The following SGMS1 variants were observed in gnomAD, a reference collection of about 807,000 sequenced individuals.
SGMS1 encodes the protein phosphatidylcholine:ceramide cholinephosphotransferase 1.
A neutral mutation model predicts 46.2 loss-of-function variants in SGMS1; 13 were observed. That is an observed-to-expected ratio of 0.28 (90% CI 0.18 to 0.45). The LOEUF is 0.45. Ranked by LOEUF, SGMS1 falls within the 20% of genes least tolerant of loss-of-function variation. The pLI, the probability that SGMS1 is intolerant of heterozygous loss-of-function variation, is 1.00. For missense variants in SGMS1, 324 were observed against 519.9 expected (o/e 0.62, Z 3.66); for synonymous variants, 203 against 187.8 (o/e 1.08, Z -0.66).
At chr10:50,445,905 A>G (rs1316500892) in intron 5 of SGMS1, among the ~76,000 whole-genome samples, 2 of 152,154 alleles carry the variant, frequency 1.3e-5, no homozygotes, top group Non-Finnish European at 2.9e-5. Flanking sequence ...AACACCCCTG[A>G]GAAAGAGAAT....
At chr10:50,555,031 G>A (rs1225413349) in intron 2 of SGMS1, among the ~76,000 whole-genome samples, 1 of 152,144 alleles carries the variant, frequency 6.6e-6, no homozygotes, top group Non-Finnish European at 1.5e-5. Flanking sequence ...AACCATATAG[G>A]AAAGAAGCCA....
At chr10:50,439,095 A>G (rs182512371) in intron 5 of SGMS1, among the ~76,000 whole-genome samples, 67 of 152,338 alleles carry the variant, frequency 4.4e-4, no homozygotes, top group African/African-American at 1.6e-3. Flanking sequence ...ATGTTCCAAG[A>G]GACATGTTGG....
intron 5 of SGMS1, among the ~76,000 whole-genome samples, chr10:50,442,846 T>C (rs769682403): frequency 2.6e-5 from 4 of 152,252 alleles, no homozygotes; most frequent in Admixed American, 2.0e-4. Flanking sequence ...TTTCTTTAAC[T>C]GTGCAGAAGC....
intron 2 of SGMS1, among the ~76,000 whole-genome samples, chr10:50,549,459 CAT>C (rs762216094): frequency 3.3e-5 from 5 of 152,148 alleles, no homozygotes; most frequent in Non-Finnish European, 5.9e-5. Context: ...TGAAACACCA[CAT>C]GTTCTCACTT....
Position 50,622,083 on chromosome 10 carries a change from G to GGCT in SGMS1, c.-684+1621_-684+1623dup, listed in dbSNP as rs748081009. Reference sequence around the variant, plus strand: ...GCTGGCGCCTCCGACAGCAGGCACAGGCTGCTGCTTGCTTGCTTGCTTGCT... The same window carrying GGCT: ...GCTGGCGCCTCCGACAGCAGGCACAGGCTGCTGCTGCTTGCTTGCTTGCTTGCT... On this transcript the variant is annotated intron_variant, in intron 1 of 10. Transcript: ENST00000361781. Among the ~76,000 whole-genome samples, 8 of 152,348 alleles carry GGCT rather than the reference G, an allele frequency of 5.3e-5. No homozygotes were observed. In the South Asian group the frequency reaches 1.0e-3, roughly 20 times the overall value.
chr10:50,327,043 G>A (rs1246551415), intron 8 of SGMS1, among the ~76,000 whole-genome samples, 162 bp downstream of exon 8: 1 of 152,176 alleles, frequency 6.6e-6, no homozygotes, highest in Non-Finnish European at 1.5e-5. Flanking sequence ...AGAGATTCTG[G>A]GAAGGGTGGG....
chr10:50,607,624 G>A (rs1838709742), intron 1 of SGMS1, among the ~76,000 whole-genome samples: 1 of 152,214 alleles, frequency 6.6e-6, no homozygotes, highest in African/African-American at 2.4e-5. Context: ...TCAACTGGTT[G>A]TGTGAAGCAG....
chr10:50,328,182 G>C (rs940315371), intron 7 of SGMS1: 1 of 275,022 alleles, frequency 3.6e-6, no homozygotes, highest in Non-Finnish European at 7.1e-6. Context: ...AAAATTCCAT[G>C]TAAGTTTGTT....
At chr10:50,325,443 G>A (rs544931482) in intron 8 of SGMS1, among the ~76,000 whole-genome samples, 1 of 152,264 alleles carries the variant, frequency 6.6e-6, no homozygotes, top group East Asian at 1.9e-4. Context: ...CATAGAATGA[G>A]GGCCCTAGTT....
At chr10:50,565,630 G>T (rs1838281340) in intron 2 of SGMS1, among the ~76,000 whole-genome samples, 1 of 152,148 alleles carries the variant, frequency 6.6e-6, no homozygotes, top group African/African-American at 2.4e-5. Context: ...GCCACAAGCT[G>T]CCAATTCCTA....
intron 6 of SGMS1, among the ~76,000 whole-genome samples, chr10:50,431,593 C>T (rs1350425006): frequency 6.6e-6 from 1 of 152,066 alleles, no homozygotes; most frequent in African/African-American, 2.4e-5. Context: ...TCCTCCATTT[C>T]ACTCCCTAAG....
upstream of SGMS1, chr10:50,624,027 G>A (rs1025851592): frequency 6.1e-6 from 6 of 985,500 alleles, no homozygotes; most frequent in Non-Finnish European, 7.2e-6. Flanking sequence ...TCCTCCGGGT[G>A]TTCACTGCGG....
intron 3 of SGMS1, among the ~76,000 whole-genome samples, chr10:50,500,547 T>C (rs1837653629): frequency 6.6e-6 from 1 of 151,996 alleles, no homozygotes; most frequent in Admixed American, 6.5e-5. Flanking sequence ...CGCATTTTTC[T>C]AAGCACTTAC....
chr10:50,553,504 G>GA (rs1295770107), intron 2 of SGMS1, among the ~76,000 whole-genome samples: 3 of 44,830 alleles, frequency 6.7e-5, no homozygotes, highest in Non-Finnish European at 1.3e-4. Context: ...TGATTTTTAA[G>GA]ACAAAAAAAT....
At chr10:50,426,833 T>C (rs1849332222) in intron 6 of SGMS1, among the ~76,000 whole-genome samples, 2 of 152,162 alleles carry the variant, frequency 1.3e-5, no homozygotes, top group Non-Finnish European at 2.9e-5. Context: ...TGAAATTAAG[T>C]TGGATTGCCT....
Position 50,307,876 on chromosome 10 carries a change from TAA to T in SGMS1, c.1062+104_1062+105del. The T allele has an allele frequency of 9.2e-7, 1 of 1,083,416 alleles. No homozygotes were observed. 67.1% of individuals were successfully genotyped at this position (1,083,416 alleles called of 1,614,324 possible). On this transcript the variant is annotated intron_variant, in intron 10 of 10. Coordinates refer to ENST00000361781, the MANE Select transcript of SGMS1 (RefSeq NM_147156.4). The surrounding 1 kb of genome is among the most constrained non-coding windows in gnomAD (Gnocchi z 4.2). ...AATACAATCTTAGTTGATTACTACT[TAA>T]GAAAGAGAAACTTCAGACATCCACA...
chr10:50,446,594 G>T (rs1837017703), intron 5 of SGMS1, among the ~76,000 whole-genome samples: 1 of 152,166 alleles, frequency 6.6e-6, no homozygotes, highest in Admixed American at 6.6e-5. Flanking sequence ...CATGATACAT[G>T]CAGTAAGAGT....
intron 2 of SGMS1, among the ~76,000 whole-genome samples, chr10:50,573,172 G>T (rs546170125): frequency 2.6e-4 from 39 of 152,196 alleles, no homozygotes; most frequent in African/African-American, 8.9e-4. Context: ...CTAAGATCTG[G>T]AATACACAAG....
intron 6 of SGMS1, among the ~76,000 whole-genome samples, chr10:50,377,357 C>A (rs1417381926): frequency 6.6e-6 from 1 of 152,202 alleles, no homozygotes; most frequent in Non-Finnish European, 1.5e-5. Context: ...GAATGGGTTA[C>A]TCCATTCATA....
Sources: gnomAD v4.1 joint callset for allele counts (sites outside exome capture counted in the v4.1 genomes callset) on GRCh38, gnomAD v4.1.1 for gene constraint, Gnocchi (gnomAD v3.1) non-coding constraint, MANE v1.5 for transcripts, NCBI Gene and HGNC (gene_info 2026-07-23, HGNC 2026-07-21) for gene names.